Variants in PRKCQ observed in about 807,000 individuals in gnomAD.
PRKCQ encodes protein kinase C theta type.
In PRKCQ, 41 loss-of-function variants were observed where a neutral mutation model predicts 91.2. That is an observed-to-expected ratio of 0.45 (90% confidence interval 0.35 to 0.58). The LOEUF is 0.58. PRKCQ is among the 20% of genes least tolerant of loss of function. The probability of loss-of-function intolerance (pLI) is 0.00; values close to 1 mark genes in which losing one functional copy is unlikely to be tolerated. For synonymous variants in PRKCQ, 307 were observed against 316.9 expected, an observed-to-expected ratio of 0.97 and a Z score of 0.33; for missense variants, 673 against 896.5, an observed-to-expected ratio of 0.75 and a Z score of 3.18.
intron 1 of PRKCQ, among the ~76,000 whole-genome samples, chr10:6,538,868 A>G (rs2130912909): frequency 6.6e-6 from 1 of 152,122 alleles, no homozygotes; most frequent in South Asian, 2.1e-4. Flanking sequence ...GGTTCAAGCA[A>G]TTCTCCTGCC....
intron 7 of PRKCQ, among the ~76,000 whole-genome samples, chr10:6,493,181 A>G (rs73607025): frequency 0.021 from 3,133 of 152,300 alleles, 124 homozygotes; most frequent in African/African-American, 0.072. Context: ...AATGAGCTAC[A>G]TGGGGCTGGC....
intron 1 of PRKCQ, among the ~76,000 whole-genome samples, chr10:6,546,669 G>A (rs537654625): frequency 1.1e-3 from 160 of 152,256 alleles, no homozygotes; most frequent in African/African-American, 3.5e-3. Flanking sequence ...CAGTCATGTC[G>A]TCTGCAAACA....
At chr10:6,416,660 G>A in the PRKCQ span, among the ~76,000 whole-genome samples, 1 of 152,184 alleles carries the variant, frequency 6.6e-6, no homozygotes, top group Non-Finnish European at 1.5e-5. Flanking sequence ...TGTGAATTGT[G>A]CTGTTATAAG....
chr10:6,438,734 C>T (rs1208433483), intron 16 of PRKCQ, among the ~76,000 whole-genome samples: 2 of 152,082 alleles, frequency 1.3e-5, no homozygotes, highest in African/African-American at 4.8e-5. Flanking sequence ...TAGCTGAGAC[C>T]ATAGGCGCCA....
At chr10:6,450,475 A>T (rs2132288346) in intron 15 of PRKCQ, among the ~76,000 whole-genome samples, 1 of 152,320 alleles carries the variant, frequency 6.6e-6, no homozygotes, top group African/African-American at 2.4e-5. Flanking sequence ...CCACACAATA[A>T]TAATGGGAGA....
chr10:6,539,211 C>T (rs899778200), intron 1 of PRKCQ, among the ~76,000 whole-genome samples: 1 of 152,100 alleles, frequency 6.6e-6, no homozygotes, highest in East Asian at 1.9e-4. Flanking sequence ...ATCAGTGAAT[C>T]GGAGAATGTT....
chr10:6,467,689 T>G (rs1274421697), intron 12 of PRKCQ, among the ~76,000 whole-genome samples: 6 of 152,322 alleles, frequency 3.9e-5, no homozygotes, highest in Admixed American at 3.9e-4. Flanking sequence ...GAAATGAGAC[T>G]GTCGCTAATC....
At chr10:6,446,163 A>G (rs1454455515) in intron 15 of PRKCQ, among the ~76,000 whole-genome samples, 1 of 152,138 alleles carries the variant, frequency 6.6e-6, no homozygotes, top group Non-Finnish European at 1.5e-5. Flanking sequence ...AGCTAGGCAC[A>G]GTTATCCCTC....
intron 15 of PRKCQ, among the ~76,000 whole-genome samples, chr10:6,454,560 A>G (rs1414009139): frequency 6.6e-6 from 1 of 152,160 alleles, no homozygotes. Context: ...GGAAATTTGT[A>G]TAATTCCTAG....
chr10:6,555,758 C>T (rs1292910576), intron 1 of PRKCQ, among the ~76,000 whole-genome samples: 1 of 151,998 alleles, frequency 6.6e-6, no homozygotes, highest in African/African-American at 2.4e-5. Flanking sequence ...ATCTGTAATC[C>T]CAGAACTTTG....
chr10:6,504,155 T>C (rs1333799806), intron 4 of PRKCQ, among the ~76,000 whole-genome samples: 2 of 152,262 alleles, frequency 1.3e-5, no homozygotes, highest in East Asian at 3.8e-4. Context: ...TACTCTACCA[T>C]GAAATCTCTC....
chr10:6,515,156 C>T lies in PRKCQ; in HGVS notation c.-9-12G>A, dbSNP rs1838695316. 2.5e-6 allele frequency: 4 copies of T among 1,611,858 alleles called. No homozygotes were observed. The highest frequency in any genetic ancestry group is 2.5e-6 in the Non-Finnish European group (3 of 1,179,546). On this transcript the variant is annotated splice_polypyrimidine_tract_variant and intron_variant, in intron 1 of 17. Transcript: ENST00000263125. The stretch of plus-strand genomic sequence containing the variant: ...GACATGGTTGCGCCCTGGAAAAAGA[C>T]AAAAGACAAACGCTGTTTGGGGGCT...
intron 13 of PRKCQ, among the ~76,000 whole-genome samples, chr10:6,463,312 C>A (rs1190521230): frequency 6.6e-6 from 1 of 152,146 alleles, no homozygotes; most frequent in Non-Finnish European, 1.5e-5. Flanking sequence ...GGGAAGCTTG[C>A]TGGATCTTGT....
At chr10:6,415,938 G>A in the PRKCQ span, among the ~76,000 whole-genome samples, 1 of 151,976 alleles carries the variant, frequency 6.6e-6, no homozygotes, top group African/African-American at 2.4e-5. Flanking sequence ...GTAGAGATGG[G>A]GTTTCACTAT....
At chr10:6,399,570 A>G in the PRKCQ span, among the ~76,000 whole-genome samples, 1 of 152,138 alleles carries the variant, frequency 6.6e-6, no homozygotes, top group East Asian at 1.9e-4. Context: ...CAGAGCCACA[A>G]GATGAGGAAG....
At chr10:6,568,582 C>T (rs1727688405) in intron 1 of PRKCQ, among the ~76,000 whole-genome samples, 1 of 151,054 alleles carries the variant, frequency 6.6e-6, no homozygotes, top group South Asian at 2.1e-4. Context: ...ACTGCAAGCT[C>T]CACCTCCCAG....
chr10:6,440,046 T>C (rs1833892631), intron 16 of PRKCQ, among the ~76,000 whole-genome samples: 1 of 152,164 alleles, frequency 6.6e-6, no homozygotes, highest in Non-Finnish European at 1.5e-5. Flanking sequence ...GTTCTTATGA[T>C]AGTGAGAGTA....
chr10:6,550,634 C>A (rs1342425717), intron 1 of PRKCQ, among the ~76,000 whole-genome samples: 1 of 152,188 alleles, frequency 6.6e-6, no homozygotes, highest in Admixed American at 6.5e-5. Flanking sequence ...ATATGTGGGT[C>A]GTCTCCACCT....
intron 1 of PRKCQ, among the ~76,000 whole-genome samples, chr10:6,550,281 C>CT (rs1040388854): frequency 1.3e-5 from 2 of 151,976 alleles, no homozygotes; most frequent in African/African-American, 4.8e-5. Context: ...TCCCATTGCA[C>CT]TTTTTTTTCT....
Sources: gnomAD v4.1 joint callset for allele counts (sites outside exome capture counted in the v4.1 genomes callset) on GRCh38, gnomAD v4.1.1 for gene constraint, MANE v1.5 for transcripts, NCBI Gene and HGNC (gene_info 2026-07-23, HGNC 2026-07-21) for gene names.